The following XPC variants were observed in gnomAD, a reference collection of about 807,000 sequenced individuals.
XPC encodes the protein XPC complex subunit, DNA damage recognition and repair factor, also known as DNA repair protein complementing XP-C cells.
Under a neutral mutation model 95.8 loss-of-function variants are expected in XPC, and 76 were observed. That is an observed-to-expected ratio of 0.79 (90% CI 0.66 to 0.96). XPC has a LOEUF of 0.96. XPC is among the 40% of genes least tolerant of loss of function. XPC has a pLI of 0.00. For missense variants in XPC, 1,146 were observed against 1,179.8 expected (o/e 0.97, Z 0.42); for synonymous variants, 442 against 442.1 (o/e 1.00, Z 0.00).
chr3:14,177,182 T>C (rs1029817875), intron 1 of XPC, among the ~76,000 whole-genome samples: 11 of 152,180 alleles, frequency 7.2e-5, no homozygotes, highest in African/African-American at 2.4e-4. Context: ...GATGAATATA[T>C]TTCGGGAAAA....
intron 1 of XPC, 194 bp downstream of exon 1, chr3:14,178,272 C>T (rs1696919961): frequency 1.6e-6 from 1 of 621,840 alleles, no homozygotes; most frequent in African/African-American, 2.0e-5. Context: ...TCGCGGGAAA[C>T]CGCTCTGGGT....
At chr3:14,169,762 C>T (rs568147431) in intron 3 of XPC, among the ~76,000 whole-genome samples, 3 of 152,126 alleles carry the variant, frequency 2.0e-5, no homozygotes, top group Non-Finnish European at 4.4e-5. Flanking sequence ...TGAATATTTA[C>T]AGAGAGAAAC....
At chr3:14,166,265 G>T (rs1696374831) in intron 5 of XPC, among the ~76,000 whole-genome samples, 1 of 151,670 alleles carries the variant, frequency 6.6e-6, no homozygotes, top group Admixed American at 6.6e-5. Context: ...CCTCACTCAG[G>T]CCTCAAACCT....
chr3:14,163,941 C>T (rs918454415), intron 7 of XPC, among the ~76,000 whole-genome samples: 5 of 152,078 alleles, frequency 3.3e-5, no homozygotes, highest in African/African-American at 1.2e-4. Flanking sequence ...CCCAGCTACT[C>T]GCGAGGCTGA....
chr3:14,170,784 A>G (rs908988844), intron 2 of XPC, among the ~76,000 whole-genome samples: 1 of 152,230 alleles, frequency 6.6e-6, no homozygotes, highest in Non-Finnish European at 1.5e-5. Context: ...TAAAAAACCT[A>G]CAATCTAGAT....
chr3:14,168,389 A>G lies in XPC; in HGVS notation c.413-9T>C, dbSNP rs794729656. On this transcript the variant is annotated splice_polypyrimidine_tract_variant and intron_variant, in intron 3 of 15. Transcript: ENST00000285021. ...CACAGGCTCACTAAGTTCTATCAACAAGCATTTTTAAAAATCAGTAATAGT... is the reference window on the plus strand; with the variant it reads ...CACAGGCTCACTAAGTTCTATCAACGAGCATTTTTAAAAATCAGTAATAGT... The G allele has an allele frequency of 6.2e-7, 1 of 1,613,554 alleles. No individual in the cohort carries two copies. The highest frequency in any genetic ancestry group is 8.5e-7 in the Non-Finnish European group (1 of 1,179,740).
At chr3:14,169,755 A>AT (rs1696535803) in intron 3 of XPC, among the ~76,000 whole-genome samples, 1 of 152,274 alleles carries the variant, frequency 6.6e-6, no homozygotes, top group Non-Finnish European at 1.5e-5. Context: ...TCCACAATGA[A>AT]TATTTACAGA....
At chr3:14,163,784 A>G (rs1449915199) in intron 7 of XPC, among the ~76,000 whole-genome samples, 1 of 152,236 alleles carries the variant, frequency 6.6e-6, no homozygotes, top group Non-Finnish European at 1.5e-5. Flanking sequence ...ACAAATACAT[A>G]CGTACACACA....
At chr3:14,148,061 C>T in intron 13 of XPC, 60 bp from the exon 14 acceptor site, 1 of 1,441,176 alleles carries the variant, frequency 6.9e-7, no homozygotes, top group Non-Finnish European at 9.4e-7. Context: ...CCTCTCCTCC[C>T]TCCCCAGTTT....
chr3:14,177,584 G>T (rs1696878908), intron 1 of XPC, among the ~76,000 whole-genome samples: 2 of 151,896 alleles, frequency 1.3e-5, no homozygotes, highest in Non-Finnish European at 1.5e-5. Flanking sequence ...AGTGGTAAGA[G>T]AAACAGGAGA....
At chr3:14,160,709 A>T (rs1381479029) in intron 7 of XPC, among the ~76,000 whole-genome samples, 1 of 152,282 alleles carries the variant, frequency 6.6e-6, no homozygotes, top group Non-Finnish European at 1.5e-5. Flanking sequence ...AAAGGATATC[A>T]GTGAGAAAAC....
At chr3:14,166,301 C>T (rs996404786) in intron 5 of XPC, among the ~76,000 whole-genome samples, 2 of 152,118 alleles carry the variant, frequency 1.3e-5, no homozygotes, top group African/African-American at 4.8e-5. Context: ...TTTCTTTCAC[C>T]TCCAGCACCC....
At chr3:14,155,581 G>A (rs1173613667) in intron 10 of XPC, among the ~76,000 whole-genome samples, 2 of 150,906 alleles carry the variant, frequency 1.3e-5, no homozygotes, top group African/African-American at 2.4e-5. Flanking sequence ...TTTTTGATAC[G>A]GAGTCTCGTT....
intron 2 of XPC, among the ~76,000 whole-genome samples, chr3:14,172,167 GT>G (rs750832131): frequency 3.9e-5 from 6 of 152,060 alleles, no homozygotes; most frequent in Non-Finnish European, 8.8e-5. Flanking sequence ...TACTTGTTCA[GT>G]TTCTGCCAAA....
At chr3:14,154,225 T>C (rs1191658906) in intron 10 of XPC, among the ~76,000 whole-genome samples, 1 of 152,142 alleles carries the variant, frequency 6.6e-6, no homozygotes. Flanking sequence ...GTGGAAATGG[T>C]AAGGTGGTTC....
At chr3:14,177,227 A>G (rs533109154) in intron 1 of XPC, among the ~76,000 whole-genome samples, 22 of 152,226 alleles carry the variant, frequency 1.4e-4, no homozygotes, top group Non-Finnish European at 2.9e-4. Flanking sequence ...CATGACAACT[A>G]TTTCCATAGT....
Position 14,167,226 on chromosome 3 carries a change from T to A in XPC, c.564A>T (p.Thr188=), listed in dbSNP as rs1696419534. 6.2e-7 allele frequency: 1 copy of A among 1,611,600 alleles called. No individual in the cohort carries two copies. Among genetic ancestry groups the A allele is most frequent in the Non-Finnish European group, 8.5e-7 (1 of 1,178,772 alleles). Residue 188 remains threonine, a synonymous_variant, in exon 5 of 16, where the codon ACA becomes ACT. Transcript: ENST00000285021. The stretch of plus-strand genomic sequence containing the variant: ...AACGTTTCATCGCCCTCCGAAGATA[T>A]GTCTCAAACTCCAGTTTTATCTTTT... ...RSEKIKLEFE[T]YLRRAMKRFN...
rs1420620544 is a variant in XPC at position 14,149,023 on chromosome 3, AG to A, written c.2116-76del. On this transcript the variant is annotated intron_variant, in intron 11 of 15. Coordinates refer to ENST00000285021, the MANE Select transcript of XPC (RefSeq NM_004628.5). ...CAGCACCGGGCCAGGCACCATGCTC[AG>A]TGCCGCATGCCTGGTACCTGGTGAA... 5.0e-6 allele frequency: 8 copies of A among 1,584,554 alleles called. No individual in the cohort carries two copies. The Admixed American group carries it at 1.4e-4, about 27-fold the overall frequency.
At chr3:14,167,283 G>A (rs748437223) in intron 4 of XPC, 30 bp from the exon 5 acceptor site, 59 of 1,587,666 alleles carry the variant, frequency 3.7e-5, no homozygotes, top group Middle Eastern at 3.3e-4. Flanking sequence ...ATCTGGGAAT[G>A]AAGGGGGGAA....
Sources: allele counts gnomAD v4.1 joint callset (sites outside exome capture counted in the v4.1 genomes callset), GRCh38; gene constraint gnomAD v4.1.1; transcripts MANE v1.5; gene names NCBI Gene and HGNC (gene_info 2026-07-23, HGNC 2026-07-21).